ATF2: variants seen among roughly 807,000 people sequenced by gnomAD.
The protein encoded by ATF2 is activating transcription factor 2, also known as cyclic AMP-dependent transcription factor ATF-2.
Under a neutral mutation model 60.6 loss-of-function variants are expected in ATF2, and 24 were observed. The ratio of observed to expected loss-of-function variants is 0.40; its 90% CI spans 0.29 to 0.56. The LOEUF (loss-of-function observed/expected upper bound fraction) is 0.56, where lower values mean the gene tolerates loss of function less well. ATF2 is among the 20% of genes least tolerant of loss of function. The probability of loss-of-function intolerance (pLI) is 0.54; values close to 1 mark genes in which losing one functional copy is unlikely to be tolerated. For synonymous variants in ATF2, 206 were observed against 215.4 expected (o/e 0.96, Z 0.38); for missense variants, 433 against 607.7 (o/e 0.71, Z 3.02).
At chr2:175,152,876 T>C (rs979385907) in intron 1 of ATF2, among the ~76,000 whole-genome samples, 8 of 152,180 alleles carry the variant, frequency 5.3e-5, no homozygotes, top group African/African-American at 1.7e-4. Context: ...TGTGGGATAA[T>C]GTAAAGGACC....
intron 1 of ATF2, among the ~76,000 whole-genome samples, chr2:175,151,958 G>T (rs1699340295): frequency 6.6e-6 from 1 of 152,120 alleles, no homozygotes; most frequent in Non-Finnish European, 1.5e-5. Context: ...AAATTTTTCA[G>T]AAATTTCACA....
At chr2:175,082,297 T>G (rs1334277582) in intron 12 of ATF2, among the ~76,000 whole-genome samples, 2 of 152,184 alleles carry the variant, frequency 1.3e-5, no homozygotes, top group Non-Finnish European at 2.9e-5. Flanking sequence ...ATATTGTATT[T>G]GAGGCAAGAA....
At chr2:175,166,069 G>A (rs1414736301) in intron 1 of ATF2, among the ~76,000 whole-genome samples, 1 of 152,036 alleles carries the variant, frequency 6.6e-6, no homozygotes, top group Non-Finnish European at 1.5e-5. Flanking sequence ...CCCCAAATAC[G>A]AAATAAACAT....
Position 175,095,270 on chromosome 2 carries a change from TG to T in ATF2, c.979-2004del, listed in dbSNP as rs1447332403. 3.9e-5 allele frequency among the ~76,000 whole-genome samples: 6 copies of T among 152,194 alleles called. No individual in the cohort carries two copies. In the East Asian group the frequency reaches 1.2e-3, roughly 30 times the overall value. On this transcript the variant is annotated intron_variant, in intron 11 of 13. Coordinates refer to ENST00000264110, the MANE Select transcript of ATF2 (RefSeq NM_001880.4). ...CCACCACCACACCCAGCTTAATTTT[TG>T]TATTTTTAGTAGAGACGGGGTTTCA...
At chr2:175,137,018 C>T (rs1371382893) in intron 2 of ATF2, among the ~76,000 whole-genome samples, 3 of 152,136 alleles carry the variant, frequency 2.0e-5, no homozygotes, top group Non-Finnish European at 4.4e-5. Flanking sequence ...AAAACTCCAC[C>T]AATGGCTTCA....
At chr2:175,107,821 G>A (rs897007472) in intron 10 of ATF2, among the ~76,000 whole-genome samples, 6 of 152,286 alleles carry the variant, frequency 3.9e-5, no homozygotes, top group East Asian at 1.9e-4. Context: ...TGCCAGCCTC[G>A]GCCCCCCGAG....
At position 175,154,394 on chromosome 2, in the gene ATF2, G is replaced by C. The variant is rs557293464; in HGVS notation, c.-142-3236C>G. 2.6e-5 allele frequency among the ~76,000 whole-genome samples: 4 copies of C among 151,708 alleles called. No individual in the cohort carries two copies. The South Asian group carries it at 8.3e-4, about 32-fold the overall frequency. On this transcript the variant is annotated intron_variant, in intron 1 of 13. Coordinates refer to ENST00000264110, the MANE Select transcript of ATF2 (RefSeq NM_001880.4). ...CTAGGTCTTCAGGGGCAATAACATG[G>C]AGCCGTGATCACCTATGATAACAAC...
At chr2:175,150,756 C>T (rs948881804) in intron 2 of ATF2, among the ~76,000 whole-genome samples, 3 of 152,054 alleles carry the variant, frequency 2.0e-5, no homozygotes, top group Admixed American at 6.6e-5. Flanking sequence ...ACCTTTATAT[C>T]GGAACCCTTT....
At chr2:175,080,060 G>GA (rs1693660701) in intron 13 of ATF2, among the ~76,000 whole-genome samples, 1 of 152,060 alleles carries the variant, frequency 6.6e-6, no homozygotes, top group Non-Finnish European at 1.5e-5. Context: ...GAAAACAAAA[G>GA]AATCTCATTC....
intron 1 of ATF2, among the ~76,000 whole-genome samples, chr2:175,164,725 A>AT (rs2105379328): frequency 6.6e-6 from 1 of 152,374 alleles, no homozygotes; most frequent in African/African-American, 2.4e-5. Flanking sequence ...CTACTTCAAC[A>AT]TTAAAACTTA....
At chr2:175,152,736 T>G (rs1574492460) in intron 1 of ATF2, among the ~76,000 whole-genome samples, 1 of 152,190 alleles carries the variant, frequency 6.6e-6, no homozygotes, top group South Asian at 2.1e-4. Flanking sequence ...ATTTCAAAGC[T>G]GGCAACAAAA....
intron 1 of ATF2, among the ~76,000 whole-genome samples, chr2:175,166,359 C>T (rs930920247): frequency 1.3e-5 from 2 of 152,128 alleles, no homozygotes; most frequent in African/African-American, 2.4e-5. Context: ...TTACACATCA[C>T]GGTAAATTTG....
chr2:175,076,941 T>TC (rs1452109529), intron 13 of ATF2, among the ~76,000 whole-genome samples: 3 of 82,874 alleles, frequency 3.6e-5, no homozygotes, highest in African/African-American at 4.7e-5. Context: ...ATGCTATCCC[T>TC]CCCCCCTCCC....
At chr2:175,108,403 C>G (rs1188238469) in intron 10 of ATF2, among the ~76,000 whole-genome samples, 1 of 150,780 alleles carries the variant, frequency 6.6e-6, no homozygotes, top group East Asian at 2.0e-4. Flanking sequence ...GCCGCCCCGT[C>G]CGGGAGGGAG....
At chr2:175,117,809 T>C (rs144601723) in intron 7 of ATF2, among the ~76,000 whole-genome samples, 181 bp downstream of exon 7, 1 of 152,020 alleles carries the variant, frequency 6.6e-6, no homozygotes, top group Non-Finnish European at 1.5e-5. Context: ...AATTTTTCTA[T>C]GTACAATAAA....
intron 10 of ATF2, 94 bp from the exon 11 acceptor site, chr2:175,097,687 C>A: frequency 7.2e-7 from 1 of 1,383,300 alleles, no homozygotes; most frequent in Non-Finnish European, 9.9e-7. Context: ...GGTAGTTTCC[C>A]TGAGTCCTTT....
chr2:175,082,242 T>C (rs538716736), intron 12 of ATF2, among the ~76,000 whole-genome samples: 21 of 152,300 alleles, frequency 1.4e-4, no homozygotes, highest in Admixed American at 7.9e-4. Context: ...AAATTGATGC[T>C]CATAATAACT....
At chr2:175,079,123 A>G (rs1350202296) in intron 13 of ATF2, among the ~76,000 whole-genome samples, 4 of 152,188 alleles carry the variant, frequency 2.6e-5, no homozygotes, top group Non-Finnish European at 5.9e-5. Flanking sequence ...CACTTAAGAT[A>G]TCTTGTAAAT....
Position 175,074,677 on chromosome 2 carries a change from T to C in ATF2, c.1450A>G (p.Ser484Gly). 1 of 1,613,446 alleles carries C rather than the reference T, an allele frequency of 6.2e-7. No individual in the cohort carries two copies. Among genetic ancestry groups the C allele is most frequent in the South Asian group, 1.1e-5 (1 of 91,076 alleles). Residue 484 changes from serine to glycine, a missense_variant, in exon 14 of 14, where the codon AGT (serine) becomes GGT (glycine). Ser to Gly is a moderately conservative substitution (Grantham distance 56). Transcript: ENST00000264110. ...TSVLTQMADQ[S>G]TEPALSQIVM... ...ATCTGTGAAAGAGCAGGCTCTGTAC[T>C]CTGGTCCGCCATCTGGGTGAGGACT...
Sources: gnomAD v4.1 joint callset for allele counts (sites outside exome capture counted in the v4.1 genomes callset) on GRCh38, gnomAD v4.1.1 for gene constraint, MANE v1.5 for transcripts, NCBI Gene and HGNC (gene_info 2026-07-23, HGNC 2026-07-21) for gene names.